Variants in ASAH2 observed in about 807,000 individuals in gnomAD.
ASAH2 encodes N-acylsphingosine amidohydrolase 2.
ASAH2 carries 58 observed loss-of-function variants against 82.9 expected under a neutral mutation model. That is an observed-to-expected ratio of 0.70 (90% confidence interval 0.57 to 0.87). The LOEUF is 0.87. ASAH2 is among the 40% of genes least tolerant of loss of function. The pLI, the probability that ASAH2 is intolerant of heterozygous loss-of-function variation, is 0.00. For synonymous variants in ASAH2, 276 were observed against 289.7 expected (o/e 0.95, Z 0.48); for missense variants, 779 against 834.0 (o/e 0.93, Z 0.81).
Position 50,245,332 on chromosome 10 carries a change from T to C in ASAH2, c.250A>G (p.Thr84Ala), listed in dbSNP as rs769687313. The C allele has an allele frequency of 6.2e-7, 1 of 1,613,946 alleles. No individual in the cohort carries two copies. The highest frequency in any genetic ancestry group is 8.5e-7 in the Non-Finnish European group (1 of 1,179,976). The change falls in exon 3 of 21, where the codon ACT (threonine) becomes GCT (alanine). Residue 84 changes from threonine (T) to alanine (A), a missense_variant. Physicochemically the swap from Thr to Ala is moderately conservative, Grantham distance 58 (BLOSUM62 0). Transcript: ENST00000682911. ...TCTGGGGTTAAAGGCACTGGAGAAGTTTGAGTGGCTGTGGAGCTCTGGGTG... is the reference window on the plus strand; with the variant it reads ...TCTGGGGTTAAAGGCACTGGAGAAGCTTGAGTGGCTGTGGAGCTCTGGGTG... ...TATQSSTATQ[T>A]SPVPLTPESP... is the part of the protein sequence containing the mutation.
intron 7 of ASAH2, among the ~76,000 whole-genome samples, chr10:50,224,660 C>T (rs1845835121): frequency 6.6e-6 from 1 of 152,152 alleles, no homozygotes; most frequent in South Asian, 2.1e-4. Flanking sequence ...CTAGACTTTC[C>T]ATGAGTGGAA....
At chr10:50,205,019 T>C in intron 13 of ASAH2, 64 bp from the exon 14 acceptor site, 1 of 1,139,936 alleles carries the variant, frequency 8.8e-7, no homozygotes. Context: ...AACAGACATA[T>C]AGTGGTCCCA....
intron 4 of ASAH2, chr10:50,240,606 C>T: frequency 2.8e-6 from 2 of 702,136 alleles, no homozygotes; most frequent in Non-Finnish European, 5.2e-6. Flanking sequence ...TTATGATAAA[C>T]ATATCTTCCA....
In ASAH2 at chr10:50,199,045, GA is replaced by G; in HGVS notation, c.1857+5del. 1 of 1,612,804 alleles carries G rather than the reference GA, an allele frequency of 6.2e-7. No individual in the cohort carries two copies. The highest frequency in any genetic ancestry group is 8.5e-7 in the Non-Finnish European group (1 of 1,179,272). ...GCGCATGCACGCACAAACAATATTT[GA>G]TTACCGTAGCAATAGCCTTAGCAAG... On this transcript the variant is annotated splice_donor_5th_base_variant and intron_variant, in intron 17 of 20. Transcript: ENST00000682911.
intron 13 of ASAH2, 23 bp downstream of exon 13, chr10:50,205,959 C>T: frequency 6.5e-7 from 1 of 1,542,652 alleles, no homozygotes; most frequent in Non-Finnish European, 9.0e-7. Context: ...GCTAATTTCA[C>T]TATGATAACG....
At chr10:50,211,989 C>T (rs1011844450) in intron 10 of ASAH2, among the ~76,000 whole-genome samples, 107 of 152,292 alleles carry the variant, frequency 7.0e-4, no homozygotes, top group African/African-American at 2.5e-3. Flanking sequence ...TAAAGTGTGT[C>T]ATGGGTGCAC....
At chr10:50,234,609 A>C in intron 5 of ASAH2, 57 bp from the exon 6 acceptor site, 1 of 1,610,512 alleles carries the variant, frequency 6.2e-7, no homozygotes, top group East Asian at 2.2e-5. Flanking sequence ...TGGGGACAAT[A>C]ACTTAGTCAA....
chr10:50,222,308 T>C (rs1295110951), intron 7 of ASAH2, among the ~76,000 whole-genome samples: 1 of 152,222 alleles, frequency 6.6e-6, no homozygotes, highest in East Asian at 1.9e-4. Context: ...AAAAAGTGTC[T>C]CACTCTGTTG....
chr10:50,240,568 C>T (rs1197778842), intron 4 of ASAH2: 1 of 702,176 alleles, frequency 1.4e-6, no homozygotes, highest in Non-Finnish European at 2.6e-6. Context: ...GAATTAAAAA[C>T]AAGCTGGCAT....
At chr10:50,217,527 T>C (rs1845637135) in intron 8 of ASAH2, among the ~76,000 whole-genome samples, 1 of 152,044 alleles carries the variant, frequency 6.6e-6, no homozygotes, top group Non-Finnish European at 1.5e-5. Flanking sequence ...GCATTCGGCC[T>C]CCTCGTCTGT....
chr10:50,206,172 G>C (rs1418011853), intron 12 of ASAH2, 75 bp from the exon 13 acceptor site: 1 of 1,036,742 alleles, frequency 9.6e-7, no homozygotes, highest in Admixed American at 1.7e-5. Flanking sequence ...GACAAATATT[G>C]TACAATAATC....
chr10:50,228,488 A>T (rs1360426755), intron 7 of ASAH2, among the ~76,000 whole-genome samples: 1 of 152,316 alleles, frequency 6.6e-6, no homozygotes, highest in African/African-American at 2.4e-5. Flanking sequence ...AAAGTTTTTA[A>T]ATAAAGAAGT....
At chr10:50,201,317 T>C (rs1845141986) in intron 16 of ASAH2, among the ~76,000 whole-genome samples, 1 of 152,074 alleles carries the variant, frequency 6.6e-6, no homozygotes, top group South Asian at 2.1e-4. Context: ...GTTTAACACT[T>C]AAGCTATCTG....
chr10:50,203,581 T>TGGTGAAGAGGG (rs1224226418), intron 15 of ASAH2, 59 bp downstream of exon 15: 1 of 1,345,054 alleles, frequency 7.4e-7, no homozygotes, highest in Non-Finnish European at 1.1e-6. Context: ...AGGGATAGGA[T>TGGTGAAGAGGG]ATACTTTCCT....
In ASAH2 at chr10:50,211,115, G is replaced by T. The variant is rs1385870730; in HGVS notation, c.1247C>A (p.Ser416Tyr). 1.2e-6 allele frequency: 2 copies of T among 1,613,276 alleles called. No individual in the cohort carries two copies. The highest frequency in any genetic ancestry group is 2.7e-5 in the African/African-American group (2 of 74,996). ...AGCCAGTGGTCCTGTTACCTCCTGG[G>T]AGGCAGAGGCATAGAGTTCCTAGAA... ...QRAKELYASA[S>Y]QEVTGPLASA... Residue 416 changes from serine to tyrosine, a missense_variant, in exon 11 of 21, where the codon TCC becomes TAC. Ser to Tyr is a moderately radical substitution (Grantham distance 144). This residue lies in a region of ASAH2 where 759 missense variants were observed against 755.2 expected (regional missense o/e 1.00). Transcript: ENST00000682911.
intron 7 of ASAH2, among the ~76,000 whole-genome samples, chr10:50,229,134 T>A (rs1334876650): frequency 6.6e-6 from 1 of 152,180 alleles, no homozygotes; most frequent in South Asian, 2.1e-4. Context: ...TCTCCCTTCA[T>A]GTTTTCTTCA....
chr10:50,232,856 A>G (rs1846053638), intron 7 of ASAH2, among the ~76,000 whole-genome samples: 1 of 152,180 alleles, frequency 6.6e-6, no homozygotes, highest in Non-Finnish European at 1.5e-5. Context: ...GAAGTTCCAC[A>G]TGTGAGATCT....
chr10:50,214,269 T>C (rs1845538902), intron 9 of ASAH2, among the ~76,000 whole-genome samples: 1 of 152,224 alleles, frequency 6.6e-6, no homozygotes, highest in South Asian at 2.1e-4. Context: ...GGACTTTCAC[T>C]TTTTACTATT....
chr10:50,236,874 C>T (rs1846173921), intron 4 of ASAH2, among the ~76,000 whole-genome samples: 1 of 152,030 alleles, frequency 6.6e-6, no homozygotes, highest in Admixed American at 6.6e-5. Flanking sequence ...AACAGGTGCT[C>T]TAAGCAAAAG....
Sources: gnomAD v4.1 joint callset for allele counts (sites outside exome capture counted in the v4.1 genomes callset) on GRCh38, gnomAD v4.1.1 for gene constraint, gnomAD v4.1.1 regional missense constraint, MANE v1.5 for transcripts, NCBI Gene and HGNC (gene_info 2026-07-23, HGNC 2026-07-21) for gene names.